Variants in TRPM5 observed in about 807,000 individuals in gnomAD.
TRPM5 encodes the protein transient receptor potential cation channel subfamily M member 5.
In TRPM5, 121 loss-of-function variants were observed where a neutral mutation model predicts 124.9. The observed-to-expected ratio is 0.97, with a 90% CI of 0.84 to 1.13. The LOEUF is 1.13. Among genes scored for constraint, TRPM5 ranks in the 50% most tolerant of loss-of-function variants. TRPM5 has a pLI of 0.00. For missense variants in TRPM5, 1,643 were observed against 1,589.1 expected (o/e 1.03, Z -0.58); for synonymous variants, 781 against 700.5 (o/e 1.11, Z -1.81).
upstream of TRPM5, among the ~76,000 whole-genome samples, chr11:2,425,826 A>G (rs1307104472): frequency 6.6e-6 from 1 of 152,116 alleles, no homozygotes; most frequent in Non-Finnish European, 1.5e-5. Context: ...GGGGGACGGG[A>G]CTGGGCTGGA....
the TRPM5 span, among the ~76,000 whole-genome samples, chr11:2,438,947 C>T: frequency 2.6e-5 from 4 of 152,178 alleles, no homozygotes; most frequent in African/African-American, 9.7e-5. This position sits in a 1 kb window ranked among gnomAD's most constrained non-coding sequence, Gnocchi z 5.9. Context: ...GCGACTATAA[C>T]CAAACCAGCA....
chr11:2,432,229 G>A, the TRPM5 span, among the ~76,000 whole-genome samples: 1 of 152,204 alleles, frequency 6.6e-6, no homozygotes, highest in Non-Finnish European at 1.5e-5. Context: ...CCCAGCTGCC[G>A]ACAGAGCAGC....
chr11:2,420,487 C>T lies in TRPM5; in HGVS notation c.466-82G>A, dbSNP rs542148788. 1.0e-5 allele frequency: 15 copies of T among 1,429,740 alleles called. 1 individual carries two copies. The Admixed American group carries it at 1.3e-4, about 13-fold the overall frequency. The allele number at this position is 1,429,740 out of a possible 1,614,324, so 88.6% of individuals were successfully genotyped here. A position where few individuals can be genotyped will look rare whatever the true frequency, so the allele number is the denominator to read the frequency against. ...CGCTGCGGGATCCTCCCTGCCAGGC[C>T]GTGCACACCACGCCATGGGGCCCCG... On this transcript the variant is annotated intron_variant, in intron 3 of 23. Coordinates refer to ENST00000155858, the Ensembl canonical transcript of TRPM5.
the TRPM5 span, among the ~76,000 whole-genome samples, chr11:2,433,457 C>T: frequency 1.1e-4 from 16 of 152,244 alleles, no homozygotes; most frequent in African/African-American, 2.9e-4. Flanking sequence ...GGCCCAGTGG[C>T]TGGGGTAGGG....
At chr11:2,414,009 G>GGGGGGGCGC in intron 12 of TRPM5, 52 bp downstream of exon 17, 2 of 1,023,734 alleles carry the variant, frequency 2.0e-6, no homozygotes, top group Non-Finnish European at 2.9e-6. Context: ...GGCCCAGCTC[G>GGGGGGGCGC]CCCGCCCACC....
chr11:2,437,985 T>C, the TRPM5 span, among the ~76,000 whole-genome samples: 1 of 152,180 alleles, frequency 6.6e-6, no homozygotes, highest in African/African-American at 2.4e-5. This position sits in a 1 kb window ranked among gnomAD's most constrained non-coding sequence, Gnocchi z 5.6. Flanking sequence ...AAAAAATTAA[T>C]TCACCACAGT....
At chr11:2,407,072 C>T (rs777908997) in intron 20 of TRPM5, 47 bp downstream of exon 25, 28 of 1,490,774 alleles carry the variant, frequency 1.9e-5, no homozygotes, top group African/African-American at 5.6e-5. Flanking sequence ...CCCTGGGACC[C>T]GCCACCTCGG....
intron 6 of TRPM5, 77 bp downstream of exon 11, chr11:2,418,090 T>C (rs1565012960): frequency 5.2e-6 from 7 of 1,350,778 alleles, no homozygotes; most frequent in Non-Finnish European, 7.1e-6. Context: ...GGAGGCTGCA[T>C]TGCAGGAACT....
At chr11:2,414,358 C>G in intron 11 of TRPM5, 152 bp from the exon 17 acceptor site, 1 of 1,185,298 alleles carries the variant, frequency 8.4e-7, no homozygotes, top group Non-Finnish European at 1.2e-6. Context: ...CCCCCTCCGG[C>G]CTGCTCCGGG....
At position 2,414,010 on chromosome 11, in the gene TRPM5, C is replaced by CCCCCCCCCCCCCCCCCCCCCCCCA; in HGVS notation, c.1890+50_1890+51insTGGGGGGGGGGGGGGGGGGGGGGG. ...GTCAACTCAAGCTGGGCCCAGCTCG[C>CCCCCCCCCCCCCCCCCCCCCCCCA]CCGCCCACCCCACCCCCTGGCAGCT... On this transcript the variant is annotated intron_variant, in intron 12 of 23. Transcript: ENST00000155858. 7.1e-6 allele frequency: 3 copies of CCCCCCCCCCCCCCCCCCCCCCCCA among 420,366 alleles called. 1 individual carries two copies. The highest frequency in any genetic ancestry group is 1.4e-5 in the Non-Finnish European group (3 of 212,932). 26.0% of individuals were successfully genotyped at this position (420,366 alleles called of 1,614,324 possible). A position where few individuals can be genotyped will look rare whatever the true frequency, so the allele number is the denominator to read the frequency against.
chr11:2,417,926 C>T, intron 6 of TRPM5, 97 bp from the exon 12 acceptor site: 2 of 1,244,188 alleles, frequency 1.6e-6, no homozygotes, highest in East Asian at 2.6e-5. Flanking sequence ...GGCAGCGTCC[C>T]CAGGTGAGCC....
chr11:2,406,772 A>T, exon 21 of TRPM5: 1 of 1,613,016 alleles, frequency 6.2e-7, no homozygotes, highest in Non-Finnish European at 8.5e-7. Context: ...CTTCTGGTCC[A>T]GGGGGTCTGG....
In TRPM5 at chr11:2,411,699, C is replaced by T. The variant is rs753370647; in HGVS notation, c.2543G>A (p.Arg848Gln). The change falls in exon 17 of 24, where the codon CGG becomes CAG. Residue 848 changes from arginine (R) to glutamine (Q), a missense_variant. By Grantham distance (43) the Arg-to-Gln change is conservative (BLOSUM62 1). Transcript: ENST00000155858. ...GTGTATGGCAAAGATATGGATCAGC[C>T]GCAGCGTGAACACCATGAAGTCCAT... 4.3e-5 allele frequency: 70 copies of T among 1,612,724 alleles called. No individual in the cohort carries two copies. In the Middle Eastern group the frequency reaches 5.0e-4, roughly 11 times the overall value.
rs1850497049 is a variant in TRPM5, at chr11:2,413,503, AGGGC to A, written c.1972_1975del (p.Ala658SerfsTer15). ...GAAGGTGATGAGGTTGGTATAGACG[AGGGC>A]GGGGCAGAGGAAGGCTCCTAGCAGC... On this transcript the variant is annotated frameshift_variant, in exon 13 of 24. Coordinates refer to ENST00000155858, the Ensembl canonical transcript of TRPM5. LOFTEE classifies it high-confidence loss of function. 4 of 1,611,976 alleles carry A rather than the reference AGGGC, an allele frequency of 2.5e-6. No homozygotes were observed. The highest frequency in any genetic ancestry group is 3.4e-6 in the Non-Finnish European group (4 of 1,179,714).
Position 2,412,952 on chromosome 11 carries a change from G to A in TRPM5, c.2157C>T (p.Phe719=), listed in dbSNP as rs558595611. The change falls in exon 15 of 24, where the codon TTC becomes TTT. Residue 719 remains phenylalanine (F), a synonymous_variant. Coordinates refer to ENST00000155858, the Ensembl canonical transcript of TRPM5. ...AGAATTTCCGCCAGCGTGTGAGCAG[G>A]AAGACAGCACGTGGGCCTCGGTCAC... 9.3e-5 allele frequency: 150 copies of A among 1,605,844 alleles called. 1 individual carries two copies. In the South Asian group the frequency reaches 1.6e-3, roughly 17 times the overall value.
chr11:2,422,803 G>T, intron 1 of TRPM5, 117 bp downstream of exon 6: 1 of 886,932 alleles, frequency 1.1e-6, no homozygotes, highest in East Asian at 2.5e-5. Context: ...ATGGCCCCAG[G>T]GGAGCAGACC....
rs1361367662 is a variant in TRPM5, at chr11:2,420,410, GC to G, written c.466-6del. 51 of 1,602,216 alleles carry G rather than the reference GC, an allele frequency of 3.2e-5. No homozygotes were observed. The highest frequency in any genetic ancestry group is 3.7e-5 in the Non-Finnish European group (43 of 1,172,320). ...GTAGTGGACAGGAAAATCCTCCTGC[GC>G]CCATGCAGGGAGACGAGGCTGAGCC... On this transcript the variant is annotated splice_region_variant and splice_polypyrimidine_tract_variant and intron_variant, in intron 3 of 23. Coordinates refer to ENST00000155858, the Ensembl canonical transcript of TRPM5.
intron 3 of TRPM5, 73 bp downstream of exon 8, chr11:2,420,959 C>T: frequency 6.9e-7 from 1 of 1,440,340 alleles, no homozygotes; most frequent in Non-Finnish European, 9.1e-7. Flanking sequence ...AGAGCTCTGC[C>T]CGCTGCCCAA....
the TRPM5 span, among the ~76,000 whole-genome samples, chr11:2,432,850 G>A: frequency 6.6e-6 from 1 of 152,348 alleles, no homozygotes; most frequent in Non-Finnish European, 1.5e-5. Flanking sequence ...CCCTCAGACA[G>A]GAAAGCTGAT....
Sources: gnomAD v4.1 joint callset for allele counts (sites outside exome capture counted in the v4.1 genomes callset) on GRCh38, gnomAD v4.1.1 for gene constraint, Gnocchi (gnomAD v3.1) non-coding constraint, MANE v1.5 for transcripts, NCBI Gene and HGNC (gene_info 2026-07-23, HGNC 2026-07-21) for gene names.